Variants in SLC10A3 observed in about 807,000 individuals in gnomAD.
The protein encoded by SLC10A3 is P3 protein.
A neutral mutation model predicts 1.9 loss-of-function variants in SLC10A3; 1 was observed. The ratio of observed to expected loss-of-function variants is 0.52; its 90% CI spans 0.19 to 2.48. The LOEUF is 2.48. Among genes scored for constraint, SLC10A3 ranks in the 30% most tolerant of loss-of-function variants. SLC10A3 has a pLI of 0.25. For synonymous variants in SLC10A3, 202 were observed against 189.3 expected (o/e 1.07, Z -0.55); for missense variants, 317 against 398.5 (o/e 0.80, Z 1.74).
At chrX:154,489,370 G>GTCC in intron 1 of SLC10A3, 15 of 754,538 alleles carry the variant, frequency 2.0e-5, no homozygotes, top group Non-Finnish European at 2.3e-5. Context: ...TGGGAAGCAG[G>GTCC]TCCTCCCTCC....
At position 154,488,682 on chromosome X, in the gene SLC10A3, C is replaced by T. The variant is rs200910586; in HGVS notation, c.259G>A (p.Val87Met). The change falls in exon 2 of 2, where the codon GTG (valine) becomes ATG (methionine). Residue 87 changes from valine (V) to methionine (M), a missense_variant. Physicochemically the swap from Val to Met is conservative, Grantham distance 21 (BLOSUM62 1). Coordinates refer to ENST00000651600, the MANE Select transcript of SLC10A3 (RefSeq NM_019848.5). ...EFPEDSEGIIVISSQYPGQAN... is the reference protein window; with the variant it reads ...EFPEDSEGIIMISSQYPGQAN... ...TGGCCTGGGTACTGGCTGGAGATCA[C>T]GATGATGCCCTCACTGTCCTCAGGA... The T allele has an allele frequency of 8.3e-7, 1 of 1,210,114 alleles. No individual in the cohort carries two copies. Among genetic ancestry groups the T allele is most frequent in the East Asian group, 3.0e-5 (1 of 33,778 alleles).
Position 154,490,522 on chromosome X carries a change from G to A in SLC10A3, c.-358C>T, listed in dbSNP as rs1320352924. ...CGGCGGCCCTTCCCTGCCAGGCCCG[G>A]CCGGGCGCCCGAGTGGGCGATCGCG... On this transcript the variant is annotated 5_prime_UTR_variant, in exon 1 of 2. Transcript: ENST00000651600. 2.3e-5 allele frequency: 5 copies of A among 216,583 alleles called. No individual in the cohort carries two copies. Among genetic ancestry groups the A allele is most frequent in the African/African-American group, 1.5e-4 (5 of 32,999 alleles). The allele number at this position is 216,583 out of a possible 1,213,427, so 17.8% of individuals were successfully genotyped here.
At chrX:154,489,742 G>A (rs1159150242) in intron 1 of SLC10A3, 1 of 752,393 alleles carries the variant, frequency 1.3e-6, no homozygotes, top group Admixed American at 8.7e-5. Context: ...CTCATGCACT[G>A]TTGTGTCCCA....
chrX:154,490,002 G>A (rs1557214298), intron 1 of SLC10A3: 2 of 1,050,582 alleles, frequency 1.9e-6, no homozygotes, highest in Non-Finnish European at 2.5e-6. Flanking sequence ...GAAAACCAGT[G>A]GGGTGGGAGA....
At chrX:154,489,629 A>G in intron 1 of SLC10A3, 1 of 753,695 alleles carries the variant, frequency 1.3e-6, no homozygotes, top group African/African-American at 2.3e-5. Context: ...ACCCCCTTCC[A>G]CTTCTCAATC....
At position 154,488,579 on chromosome X, in the gene SLC10A3, C is replaced by T; in HGVS notation, c.362G>A (p.Ser121Asn). 1.7e-6 allele frequency: 2 copies of T among 1,211,136 alleles called. No homozygotes were observed. Among genetic ancestry groups the T allele is most frequent in the Non-Finnish European group, 2.2e-6 (2 of 895,227 alleles). ...ACCCCCGCCTCCCCAGGTTATAGCACTCACGTTCTTGATGGTCAGCACCTC... is the reference window on the plus strand; with the variant it reads ...ACCCCCGCCTCCCCAGGTTATAGCATTCACGTTCTTGATGGTCAGCACCTC... ...DTEVLTIKNV[S>N]AITWGGGGGF... The change falls in exon 2 of 2, where the codon AGT becomes AAT. Residue 121 changes from serine (S) to asparagine (N), a missense_variant. Ser to Asn is a conservative substitution (Grantham distance 46). Transcript: ENST00000651600.
rs2069330288 is a variant in SLC10A3 at position 154,488,153 on chromosome X, G to A, written c.788C>T (p.Ser263Leu). 1.7e-6 allele frequency: 2 copies of A among 1,209,665 alleles called. No homozygotes were observed. Among genetic ancestry groups the A allele is most frequent in the Non-Finnish European group, 2.2e-6 (2 of 895,088 alleles). ...ALALGLIITC[S>L]SPGGGGSYLF... is the part of the protein sequence containing the mutation. Reference sequence around the variant, plus strand: ...GTAGCTCCCCCCGCCGCCAGGCGACGAGCAGGTGATGATGAGGCCCAGAGC... The same window carrying A: ...GTAGCTCCCCCCGCCGCCAGGCGACAAGCAGGTGATGATGAGGCCCAGAGC... The change falls in exon 2 of 2, where the codon TCG becomes TTG. Residue 263 changes from serine to leucine, a missense_variant. By Grantham distance (145) the Ser-to-Leu change is moderately radical. Coordinates refer to ENST00000651600, the MANE Select transcript of SLC10A3 (RefSeq NM_019848.5).
chrX:154,490,449 T>G lies in SLC10A3; in HGVS notation c.-285A>C. 1 of 620,657 alleles carries G rather than the reference T, an allele frequency of 1.6e-6. No homozygotes were observed. The highest frequency in any genetic ancestry group is 1.9e-6 in the Non-Finnish European group (1 of 517,658). The allele number at this position is 620,657 out of a possible 1,213,427, so 51.1% of individuals were successfully genotyped here. On this transcript the variant is annotated 5_prime_UTR_variant, in exon 1 of 2. It removes an upstream start codon present in the reference 5' UTR. Coordinates refer to ENST00000651600, the MANE Select transcript of SLC10A3 (RefSeq NM_019848.5). The stretch of plus-strand genomic sequence containing the variant: ...GAGTCTGGGGGGGCCCCTTACGCCA[T>G]TCCTGGGCCCCGCGGCCCCGCCAGG...
Position 154,488,191 on chromosome X carries a change from C to T in SLC10A3, c.750G>A (p.Leu250=), listed in dbSNP as rs1557213634. Residue 250 remains leucine, a synonymous_variant, in exon 2 of 2, where the codon CTG becomes CTA. Transcript: ENST00000651600. ...TGAGGCCCAGAGCCAGGGCCTTGGG[C>T]AGCATGAAGACCTTGGCCATGAGGA... ...YAFLMAKVFM[L]PKALALGLII... is the part of the protein sequence containing the mutation. 1 of 1,211,503 alleles carries T rather than the reference C, an allele frequency of 8.3e-7. No homozygotes were observed. Among genetic ancestry groups the T allele is most frequent in the Non-Finnish European group, 1.1e-6 (1 of 895,429 alleles).
Position 154,487,362 on chromosome X carries a change from A to G in SLC10A3, c.*145T>C. ...TTTTCTGGGCAGCGCCCACCTACCT[A>G]ACTCAGCATGGCCTCTTTGGCACTG... On this transcript the variant is annotated 3_prime_UTR_variant, in exon 2 of 2. Coordinates refer to ENST00000651600, the MANE Select transcript of SLC10A3 (RefSeq NM_019848.5). 1.3e-6 allele frequency: 1 copy of G among 753,674 alleles called. No homozygotes were observed. The highest frequency in any genetic ancestry group is 3.8e-5 in the Admixed American group (1 of 26,341). The allele number at this position is 753,674 out of a possible 1,213,427, so 62.1% of individuals were successfully genotyped here.
At chrX:154,489,738 C>T (rs1458828853) in intron 1 of SLC10A3, 1 of 752,074 alleles carries the variant, frequency 1.3e-6, no homozygotes, top group African/African-American at 2.3e-5. Flanking sequence ...TTGCCTCATG[C>T]ACTGTTGTGT....
At position 154,488,487 on chromosome X, in the gene SLC10A3, C is replaced by T. The variant is rs782596898; in HGVS notation, c.454G>A (p.Ala152Thr). The change falls in exon 2 of 2, where the codon GCC becomes ACC. Residue 152 changes from alanine to threonine, a missense_variant. Ala to Thr is a moderately conservative substitution (Grantham distance 58). Coordinates refer to ENST00000651600, the MANE Select transcript of SLC10A3 (RefSeq NM_019848.5). ...LAPLHIQLVDAHEAPPTLIEE... is the reference protein window; with the variant it reads ...LAPLHIQLVDTHEAPPTLIEE... ...ATCAGTGTGGGCGGGGCCTCATGGG[C>T]GTCCACGAGCTGGATGTGGAGTGGG... The T allele has an allele frequency of 3.6e-5, 44 of 1,208,465 alleles. 1 individual carries two copies. The highest frequency in any genetic ancestry group is 1.1e-4 in the Admixed American group (5 of 45,802).
rs181916008 is a variant in SLC10A3, at chrX:154,489,430, A to G, written c.-142-348T>C. On this transcript the variant is annotated intron_variant, in intron 1 of 1. Coordinates refer to ENST00000651600, the MANE Select transcript of SLC10A3 (RefSeq NM_019848.5). ...GCAGGAGTGGATCAGACAGAGCCAC[A>G]TGTCTACTGGGGGGGTTTCTCCTCC... 1.1e-4 allele frequency: 80 copies of G among 752,782 alleles called. No individual in the cohort carries two copies. The African/African-American group carries it at 1.7e-3, about 16-fold the overall frequency. 62.0% of individuals were successfully genotyped at this position (752,782 alleles called of 1,213,427 possible). A position where few individuals can be genotyped will look rare whatever the true frequency, so the allele number is the denominator to read the frequency against.
chrX:154,488,385 G>C lies in SLC10A3; in HGVS notation c.556C>G (p.His186Asp), dbSNP rs1557213739. The change falls in exon 2 of 2, where the codon CAC becomes GAC. Residue 186 changes from histidine (H) to aspartate (D), a missense_variant. Coordinates refer to ENST00000651600, the MANE Select transcript of SLC10A3 (RefSeq NM_019848.5). The stretch of plus-strand genomic sequence containing the variant: ...TAGAGGATTGGGTTTTCCGAGAAGT[G>C]GGCCAGGTCGGCGCTGAGGGTGGCA... ...TPATLSADLA[H>D]FSENPILYLL... The C allele has an allele frequency of 1.7e-6, 2 of 1,210,034 alleles. No individual in the cohort carries two copies. The highest frequency in any genetic ancestry group is 3.5e-5 in the South Asian group (2 of 56,860).
intron 1 of SLC10A3, chrX:154,489,988 G>A (rs1363239852): frequency 2.8e-6 from 3 of 1,061,197 alleles, no homozygotes; most frequent in Non-Finnish European, 3.7e-6. Flanking sequence ...GAAGAGGGAG[G>A]CAGGAAAACC....
intron 1 of SLC10A3, chrX:154,489,884 C>T (rs2069362154): frequency 2.0e-6 from 2 of 1,008,462 alleles, no homozygotes; most frequent in East Asian, 3.9e-5. Flanking sequence ...GGCGAGCCTC[C>T]CCTATCCCTA....
At chrX:154,489,877 G>A (rs1406491551) in intron 1 of SLC10A3, 3 of 992,447 alleles carry the variant, frequency 3.0e-6, no homozygotes, top group East Asian at 3.9e-5. Context: ...TCATCCCGGC[G>A]AGCCTCCCCT....
intron 1 of SLC10A3, 158 bp downstream of exon 1, chrX:154,490,149 T>C: frequency 1.1e-6 from 1 of 931,528 alleles, no homozygotes; most frequent in African/African-American, 2.0e-5. Context: ...TCTGAGTCAC[T>C]CCAAGAGGGG....
At chrX:154,489,698 G>C in intron 1 of SLC10A3, 1 of 752,990 alleles carries the variant, frequency 1.3e-6, no homozygotes, top group Non-Finnish European at 1.6e-6. Flanking sequence ...CCAGGATGGA[G>C]ACACAACAGC....
Sources: gnomAD v4.1 joint callset for allele counts on GRCh38, gnomAD v4.1.1 for gene constraint, MANE v1.5 for transcripts, NCBI Gene and HGNC (gene_info 2026-07-23, HGNC 2026-07-21) for gene names.